BACE2: variants seen among roughly 807,000 people sequenced by gnomAD.
The protein encoded by BACE2 is beta-secretase 2, also known as 56 kDa aspartic-like protease.
Under a neutral mutation model 46.2 loss-of-function variants are expected in BACE2, and 17 were observed. The observed-to-expected ratio is 0.37, with a 90% CI of 0.25 to 0.55. The LOEUF (loss-of-function observed/expected upper bound fraction) is 0.55, where lower values mean the gene tolerates loss of function less well. Ranked by LOEUF, BACE2 falls within the 20% of genes least tolerant of loss-of-function variation. BACE2 has a pLI of 0.82. For missense variants in BACE2, 595 were observed against 698.1 expected, an observed-to-expected ratio of 0.85 and a Z score of 1.66; for synonymous variants, 277 against 295.9, an observed-to-expected ratio of 0.94 and a Z score of 0.66.
chr21:41,195,212 G>A (rs1329740979), intron 1 of BACE2, among the ~76,000 whole-genome samples: 5 of 152,232 alleles, frequency 3.3e-5, no homozygotes, highest in African/African-American at 4.8e-5. Flanking sequence ...CACAGATGCC[G>A]TCTCACCAAA....
At chr21:41,269,414 T>C (rs907792583) in intron 8 of BACE2, among the ~76,000 whole-genome samples, 4 of 152,186 alleles carry the variant, frequency 2.6e-5, no homozygotes, top group African/African-American at 9.7e-5. Flanking sequence ...TGATAAGTGT[T>C]ATATGTGTGC....
intron 2 of BACE2, among the ~76,000 whole-genome samples, chr21:41,229,210 A>G (rs984542925): frequency 3.9e-5 from 6 of 152,220 alleles, no homozygotes; most frequent in Non-Finnish European, 7.3e-5. Flanking sequence ...TCTGTACGAC[A>G]CGTTTTCCAC....
At chr21:41,217,224 C>G (rs931796413) in intron 1 of BACE2, among the ~76,000 whole-genome samples, 1 of 152,232 alleles carries the variant, frequency 6.6e-6, no homozygotes, top group South Asian at 2.1e-4. Context: ...CCACTGCGCC[C>G]GGCCCAATCT....
chr21:41,268,970 T>C (rs193042162), intron 8 of BACE2, among the ~76,000 whole-genome samples: 9 of 152,300 alleles, frequency 5.9e-5, no homozygotes, highest in African/African-American at 1.9e-4. Flanking sequence ...TTCTTTTTTT[T>C]TGAGACGGAG....
intron 3 of BACE2, among the ~76,000 whole-genome samples, chr21:41,238,481 G>T (rs1987192634): frequency 1.3e-5 from 2 of 152,164 alleles, no homozygotes; most frequent in Admixed American, 1.3e-4. Flanking sequence ...TGTGTGCAGG[G>T]CTCCTGGAGT....
intron 1 of BACE2, among the ~76,000 whole-genome samples, chr21:41,187,454 G>A (rs1985418957): frequency 6.6e-6 from 1 of 152,226 alleles, no homozygotes; most frequent in Admixed American, 6.5e-5. Flanking sequence ...CACAAGTTAG[G>A]ATGATATTTG....
rs1050396915 is a variant in BACE2, at chr21:41,193,621, T to C, written c.312+25046T>C. On this transcript the variant is annotated intron_variant, in intron 1 of 8. Coordinates refer to ENST00000330333, the MANE Select transcript of BACE2 (RefSeq NM_012105.5). The surrounding 1 kb of genome is among the most constrained non-coding windows in gnomAD (Gnocchi z 4.2). ...GGCTTCCATTTGGCCTTTCTCACCA[T>C]AATAGTCCACACCCTACCAGTCAGG... Among the ~76,000 whole-genome samples the C allele has an allele frequency of 1.3e-5, 2 of 152,206 alleles. No individual in the cohort carries two copies. The highest frequency in any genetic ancestry group is 4.8e-5 in the African/African-American group (2 of 41,452).
chr21:41,266,274 C>A (rs568022978), intron 8 of BACE2, among the ~76,000 whole-genome samples: 1 of 152,040 alleles, frequency 6.6e-6, no homozygotes, highest in African/African-American at 2.4e-5. Context: ...ATCTTGTGCA[C>A]GTTGTTCTAT....
At chr21:41,223,011 G>A (rs1986703387) in intron 1 of BACE2, among the ~76,000 whole-genome samples, 1 of 152,176 alleles carries the variant, frequency 6.6e-6, no homozygotes, top group African/African-American at 2.4e-5. Context: ...CCCATCTCAA[G>A]ATGTTTCCTG....
intron 1 of BACE2, chr21:41,178,480 T>A (rs9305730): frequency 0.99 from 150,963 of 152,376 alleles, 74,818 homozygotes; most frequent in East Asian, 1. Flanking sequence ...CCATGCCTAT[T>A]ATCCCAGCAC....
chr21:41,225,630 A>G (rs1986792739), intron 1 of BACE2: 1 of 152,356 alleles, frequency 6.6e-6, no homozygotes, highest in South Asian at 2.1e-4. Context: ...AGGGGCATAA[A>G]GGAACCTTTT....
At chr21:41,250,505 G>A (rs945527294) in intron 6 of BACE2, among the ~76,000 whole-genome samples, 2 of 152,210 alleles carry the variant, frequency 1.3e-5, no homozygotes, top group African/African-American at 4.8e-5. Context: ...AATTATTGCT[G>A]CAAAGGGCTT....
intron 1 of BACE2, chr21:41,175,987 G>A (rs1984819351): frequency 6.6e-6 from 1 of 152,178 alleles, no homozygotes; most frequent in Non-Finnish European, 1.5e-5. Flanking sequence ...TAGGTGCTTT[G>A]GGTACTAGTC....
At chr21:41,241,028 T>C (rs1379470173) in intron 3 of BACE2, among the ~76,000 whole-genome samples, 1 of 152,172 alleles carries the variant, frequency 6.6e-6, no homozygotes, top group Non-Finnish European at 1.5e-5. Context: ...TGTCTCCCAG[T>C]TGTCAAAGCC....
At chr21:41,233,244 A>G (rs1338391446) in intron 2 of BACE2, among the ~76,000 whole-genome samples, 3 of 152,196 alleles carry the variant, frequency 2.0e-5, no homozygotes, top group East Asian at 3.8e-4. Context: ...CTGTGTTCCA[A>G]GCTTTTGTTC....
At chr21:41,271,559 A>C (rs2088435101) in intron 8 of BACE2, among the ~76,000 whole-genome samples, 1 of 152,068 alleles carries the variant, frequency 6.6e-6, no homozygotes, top group African/African-American at 2.4e-5. Flanking sequence ...CATTTGTTAC[A>C]TTTTTTCCCT....
chr21:41,229,454 A>G (rs1986913618), intron 2 of BACE2, among the ~76,000 whole-genome samples: 1 of 152,222 alleles, frequency 6.6e-6, no homozygotes, highest in Non-Finnish European at 1.5e-5. Flanking sequence ...GTGGATGGCT[A>G]CTTTTTTCAT....
At position 41,174,138 on chromosome 21, in the gene BACE2, C is replaced by CTTTTTT. The variant is rs1568853912; in HGVS notation, c.312+5563_312+5564insTTTTTT. 1.2e-3 allele frequency among the ~76,000 whole-genome samples: 82 copies of CTTTTTT among 70,632 alleles called. 7 individuals carry two copies. The highest frequency in any genetic ancestry group is 2.1e-3 in the African/African-American group (22 of 10,558). 46.3% of individuals were successfully genotyped at this position (70,632 alleles called of 152,430 possible). ...TAAGGATAGCTGTTGTGATCAGTGG[C>CTTTTTT]CTTTTTTTTTTTTTTTTTTTTTTTT... On this transcript the variant is annotated intron_variant, in intron 1 of 8. Coordinates refer to ENST00000330333, the MANE Select transcript of BACE2 (RefSeq NM_012105.5).
chr21:41,204,415 AG>A (rs1233274206), intron 1 of BACE2, among the ~76,000 whole-genome samples: 1 of 151,912 alleles, frequency 6.6e-6, no homozygotes, highest in Non-Finnish European at 1.5e-5. Flanking sequence ...ATCCTGGGAG[AG>A]GGGGAAAAAC....
Sources: allele counts gnomAD v4.1 joint callset (sites outside exome capture counted in the v4.1 genomes callset), GRCh38; gene constraint gnomAD v4.1.1; non-coding constraint Gnocchi (gnomAD v3.1); transcripts MANE v1.5; gene names NCBI Gene and HGNC (gene_info 2026-07-23, HGNC 2026-07-21).